Variants in GCNA observed in about 807,000 individuals in gnomAD.
GCNA encodes germ cell nuclear acidic peptidase.
In GCNA, 3 loss-of-function variants were observed where a neutral mutation model predicts 38.8. The ratio of observed to expected loss-of-function variants is 0.08; its 90% CI spans 0.04 to 0.20. The LOEUF (loss-of-function observed/expected upper bound fraction) is 0.20. Among genes scored for constraint, GCNA ranks in the 10% least tolerant of loss-of-function variants. The pLI is 1.00. For missense variants in GCNA, 446 were observed against 578.6 expected, an observed-to-expected ratio of 0.77 and a Z score of 2.35; for synonymous variants, 195 against 240.2, an observed-to-expected ratio of 0.81 and a Z score of 1.74.
In GCNA at chrX:71,605,567, C is replaced by A. The variant is rs1198510190; in HGVS notation, c.1400-96C>A. 3 of 671,178 alleles carry A rather than the reference C, an allele frequency of 4.5e-6. No homozygotes were observed. In the East Asian group the frequency reaches 1.1e-4, roughly 24 times the overall value. The allele number at this position is 671,178 out of a possible 1,213,427, so 55.3% of individuals were successfully genotyped here. A position where few individuals can be genotyped will look rare whatever the true frequency, so the allele number is the denominator to read the frequency against. On this transcript the variant is annotated intron_variant, in intron 8 of 12. Coordinates refer to ENST00000373696, the MANE Select transcript of GCNA (RefSeq NM_052957.5). ...TTTAGAGAAGTTGCACTGGGCTTGG[C>A]TGTGAGGGCTCCTTTTGGGTTTACC...
Position 71,605,645 on chromosome X carries a change from T to C in GCNA, c.1400-18T>C, listed in dbSNP as rs746110671. 3 of 1,196,593 alleles carry C rather than the reference T, an allele frequency of 2.5e-6. 1 individual carries two copies. The South Asian group carries it at 5.4e-5, about 22-fold the overall frequency. The stretch of plus-strand genomic sequence containing the variant: ...TTTTCGGGGTACAAGTAACCTATTA[T>C]TTTTTCATCTGGTAAAGGACATAAG... On this transcript the variant is annotated intron_variant, in intron 8 of 12. Transcript: ENST00000373696.
chrX:71,581,439 C>T (rs926856715), intron 2 of GCNA, among the ~76,000 whole-genome samples: 15 of 111,762 alleles, frequency 1.3e-4, no homozygotes, highest in African/African-American at 4.9e-4. Context: ...AGTTTTTTCT[C>T]TTCTGGAACA....
At chrX:71,601,555 G>GT (rs1236708634) in intron 7 of GCNA, among the ~76,000 whole-genome samples, 2 of 107,200 alleles carry the variant, frequency 1.9e-5, no homozygotes, top group Non-Finnish European at 1.9e-5. Context: ...GTTTTGTTTT[G>GT]TTTTTTTGCG....
At chrX:71,612,232 C>A in intron 11 of GCNA, 123 bp from the exon 12 acceptor site, 1 of 527,338 alleles carries the variant, frequency 1.9e-6, no homozygotes. Flanking sequence ...GAGCTGAGAT[C>A]ATGCCATTAC....
intron 7 of GCNA, among the ~76,000 whole-genome samples, chrX:71,599,288 C>A (rs1232210486): frequency 9.0e-6 from 1 of 111,667 alleles, no homozygotes; most frequent in East Asian, 2.8e-4. Context: ...ACCACCTATC[C>A]TTTTGGATTT....
intron 7 of GCNA, among the ~76,000 whole-genome samples, chrX:71,600,834 G>T (rs1483816056): frequency 8.9e-6 from 1 of 111,775 alleles, no homozygotes. Context: ...AAGCAATCCA[G>T]TTATACTCTT....
At chrX:71,601,127 C>T (rs750723886) in intron 7 of GCNA, among the ~76,000 whole-genome samples, 14 of 111,602 alleles carry the variant, frequency 1.3e-4, no homozygotes, top group Non-Finnish European at 1.9e-4. Flanking sequence ...AGGCGGATCA[C>T]GAGGTCAAGA....
chrX:71,586,548 G>A (rs1327416411), intron 2 of GCNA, among the ~76,000 whole-genome samples: 2 of 111,839 alleles, frequency 1.8e-5, no homozygotes, highest in African/African-American at 6.5e-5. Context: ...GATGGGTAGG[G>A]CTGGGATAGG....
At chrX:71,589,082 C>G (rs2040605176) in intron 2 of GCNA, among the ~76,000 whole-genome samples, 1 of 110,187 alleles carries the variant, frequency 9.1e-6, no homozygotes, top group African/African-American at 3.3e-5. Context: ...TCTTGAACTC[C>G]TGCTCCCAAG....
At chrX:71,603,451 C>G (rs2040732170) in intron 7 of GCNA, 137 bp from the exon 8 acceptor site, 14 of 937,662 alleles carry the variant, frequency 1.5e-5, no homozygotes, top group Non-Finnish European at 2.1e-5. Flanking sequence ...TTTAAAATAA[C>G]CGATTCTTAA....
In GCNA at chrX:71,604,180, T is replaced by C. The variant is rs756912141; in HGVS notation, c.903T>C (p.Asp301=). 65 of 1,210,412 alleles carry C rather than the reference T, an allele frequency of 5.4e-5. No individual in the cohort carries two copies. In the Middle Eastern group the frequency reaches 9.1e-4, roughly 17 times the overall value. Residue 301 remains aspartate, a synonymous_variant, in exon 8 of 13, where the codon GAT becomes GAC. Transcript: ENST00000373696. The stretch of plus-strand genomic sequence containing the variant: ...AAGCTTCCGACGACAGCAGTGATGA[T>C]TCGGAAGCTCCCGACGACAAGAGTG... The part of the protein sequence containing the change: ...DSEASDDSSD[D]SEAPDDKSDD...
chrX:71,585,209 G>A (rs1463234790), intron 2 of GCNA, among the ~76,000 whole-genome samples: 1 of 110,811 alleles, frequency 9.0e-6, no homozygotes, highest in Admixed American at 9.6e-5. Flanking sequence ...AGCTACTTGG[G>A]GGGTTAAGGC....
rs138602001 is a variant in GCNA, at chrX:71,580,861, C to T, written c.40C>T (p.Pro14Ser). The T allele has an allele frequency of 4.8e-5, 58 of 1,199,462 alleles. No homozygotes were observed. The African/African-American group carries it at 9.8e-4, about 20-fold the overall frequency. The change falls in exon 2 of 13, where the codon CCG becomes TCG. Residue 14 changes from proline (P) to serine (S), a missense_variant. Around this residue, in one of 7 missense-constraint regions of GCNA, gnomAD observed 21 missense variants for 16.5 expected, o/e 1.27. Transcript: ENST00000373696. Reference sequence around the variant, plus strand: ...AAAAGAGCTGCCCCGCTTGCAAGAGCCGGAGGAGGACGAGGATTGGTGAGA... The same window carrying T: ...AAAAGAGCTGCCCCGCTTGCAAGAGTCGGAGGAGGACGAGGATTGGTGAGA... ...CKKELPRLQE[P>S]EEDEDCYILN...
rs2040742988 is a variant in GCNA, at chrX:71,604,003, G to A, written c.726G>A (p.Ser242=). ...SDVPDDSSDD[S]EAPDDSSDDS... is the part of the protein sequence containing the mutation. Reference sequence around the variant, plus strand: ...TTCCCGACGACAGCAGTGATGATTCGGAAGCTCCCGACGACAGCAGTGATG... The same window carrying A: ...TTCCCGACGACAGCAGTGATGATTCAGAAGCTCCCGACGACAGCAGTGATG... Residue 242 remains serine, a synonymous_variant, in exon 8 of 13, where the codon TCG becomes TCA. Transcript: ENST00000373696. The A allele has an allele frequency of 8.3e-7, 1 of 1,207,754 alleles. No individual in the cohort carries two copies. The highest frequency in any genetic ancestry group is 3.0e-5 in the East Asian group (1 of 33,652).
intron 2 of GCNA, among the ~76,000 whole-genome samples, chrX:71,583,185 G>A (rs189870748): frequency 2.5e-4 from 28 of 112,432 alleles, no homozygotes; most frequent in East Asian, 1.7e-3. Flanking sequence ...GTGTGCTTAC[G>A]CTTAACTTTC....
chrX:71,608,434 A>C (rs1022948332), intron 9 of GCNA, among the ~76,000 whole-genome samples: 12 of 110,755 alleles, frequency 1.1e-4, no homozygotes, highest in African/African-American at 3.9e-4. Context: ...CATCACGCCC[A>C]GCTAATTTTT....
chrX:71,579,173 G>A (rs1466639973), intron 1 of GCNA, among the ~76,000 whole-genome samples: 4 of 103,592 alleles, frequency 3.9e-5, no homozygotes, highest in African/African-American at 1.1e-4. Context: ...CGCTGGTTGC[G>A]GCACTGGGGG....
At chrX:71,598,098 T>C in intron 7 of GCNA, 60 bp downstream of exon 7, 1 of 880,734 alleles carries the variant, frequency 1.1e-6, no homozygotes, top group Non-Finnish European at 1.7e-6. Flanking sequence ...TCACACGTGG[T>C]ACTTTCAGGA....
chrX:71,592,438 C>G (rs1285158121), intron 3 of GCNA, 99 bp from the exon 4 acceptor site: 1 of 481,917 alleles, frequency 2.1e-6, no homozygotes, highest in East Asian at 3.8e-5. Context: ...TTTTAAGCAG[C>G]TCTAATTTAT....
Sources: allele counts gnomAD v4.1 joint callset (sites outside exome capture counted in the v4.1 genomes callset), GRCh38; gene constraint gnomAD v4.1.1; regional missense constraint gnomAD v4.1.1; transcripts MANE v1.5; gene names NCBI Gene and HGNC (gene_info 2026-07-23, HGNC 2026-07-21).